Variants in HYAL4 observed in about 807,000 individuals in gnomAD.
HYAL4 encodes hyaluronidase 4, also known as hyaluronidase-4.
A neutral mutation model predicts 35.2 loss-of-function variants in HYAL4; 37 were observed. That is an observed-to-expected ratio of 1.05 (90% CI 0.81 to 1.38). HYAL4 has a LOEUF of 1.38. Ranked by LOEUF, HYAL4 falls within the 40% of genes most tolerant of loss-of-function variation. The pLI is 0.00. For synonymous variants in HYAL4, 198 were observed against 203.2 expected (o/e 0.97, Z 0.22); for missense variants, 572 against 572.4 (o/e 1.00, Z 0.01).
At chr7:123,804,156 G>A in the HYAL4 span, among the ~76,000 whole-genome samples, 16 of 152,304 alleles carry the variant, frequency 1.1e-4, no homozygotes, top group Admixed American at 9.8e-4. Flanking sequence ...CCCAACCTAT[G>A]TGAATAAACA....
At chr7:123,797,216 A>T in the HYAL4 span, among the ~76,000 whole-genome samples, 1 of 152,380 alleles carries the variant, frequency 6.6e-6, no homozygotes, top group African/African-American at 2.4e-5. Context: ...AACAGGTTCT[A>T]TGAAGTTTTA....
At chr7:123,809,094 C>T in the HYAL4 span, among the ~76,000 whole-genome samples, 22 of 152,286 alleles carry the variant, frequency 1.4e-4, no homozygotes, top group African/African-American at 4.8e-4. Flanking sequence ...CATCAGAACT[C>T]ATTCCATCAT....
chr7:123,855,755 G>C (rs1050023273), intron 2 of HYAL4, among the ~76,000 whole-genome samples: 3 of 152,048 alleles, frequency 2.0e-5, no homozygotes, highest in Admixed American at 2.0e-4. Flanking sequence ...GCCTTGCTTG[G>C]TTGGGGAAGT....
At chr7:123,857,852 TC>T (rs1218309485) in intron 2 of HYAL4, among the ~76,000 whole-genome samples, 1 of 152,058 alleles carries the variant, frequency 6.6e-6, no homozygotes, top group Non-Finnish European at 1.5e-5. Context: ...TCATCATTTA[TC>T]CAGAAGGTGT....
chr7:123,837,515 C>T (rs1805983542), intron 1 of HYAL4, among the ~76,000 whole-genome samples: 1 of 152,098 alleles, frequency 6.6e-6, no homozygotes, highest in South Asian at 2.1e-4. Context: ...ATTAACGTGT[C>T]TGGCATTGCC....
chr7:123,876,705 T>C (rs755929539), intron 4 of HYAL4, 49 bp from the exon 5 acceptor site: 1 of 1,561,912 alleles, frequency 6.4e-7, no homozygotes. Context: ...TCTTTGTACA[T>C]TTCTACCAGG....
At chr7:123,771,401 C>T in the HYAL4 span, among the ~76,000 whole-genome samples, 1 of 152,002 alleles carries the variant, frequency 6.6e-6, no homozygotes, top group Non-Finnish European at 1.5e-5. Context: ...CTGCATAATT[C>T]TTTGTTGTGG....
intron 1 of HYAL4, among the ~76,000 whole-genome samples, chr7:123,835,162 A>T (rs1805945549): frequency 6.6e-6 from 1 of 151,918 alleles, no homozygotes; most frequent in Admixed American, 6.6e-5. Flanking sequence ...GTTTGGTACC[A>T]CTTCTTTGAC....
At chr7:123,789,517 G>A in the HYAL4 span, among the ~76,000 whole-genome samples, 1 of 152,074 alleles carries the variant, frequency 6.6e-6, no homozygotes, top group African/African-American at 2.4e-5. Flanking sequence ...TCCTGCTTGG[G>A]TATATAAAAT....
At chr7:123,865,743 A>G (rs1806672870) in intron 2 of HYAL4, among the ~76,000 whole-genome samples, 1 of 152,188 alleles carries the variant, frequency 6.6e-6, no homozygotes, top group Non-Finnish European at 1.5e-5. Flanking sequence ...TACACACAAC[A>G]TGTAGCACAG....
chr7:123,865,137 A>G (rs1806656806), intron 2 of HYAL4, among the ~76,000 whole-genome samples: 1 of 152,140 alleles, frequency 6.6e-6, no homozygotes, highest in Non-Finnish European at 1.5e-5. Flanking sequence ...AGGATGTTCT[A>G]TGGTGGTGAT....
the HYAL4 span, among the ~76,000 whole-genome samples, chr7:123,774,987 A>G: frequency 6.6e-6 from 1 of 152,306 alleles, no homozygotes; most frequent in Admixed American, 6.5e-5. Flanking sequence ...ATGTCCCTCT[A>G]CAAGAAACTT....
intron 2 of HYAL4, among the ~76,000 whole-genome samples, chr7:123,857,673 C>CTTTGTTTGTTTGTTTGTTTG (rs1344469904): frequency 4.9e-5 from 3 of 60,896 alleles, no homozygotes; most frequent in African/African-American, 1.2e-4. Context: ...TTGTTTGTTT[C>CTTTGTTTGTTTGTTTGTTTG]TTTCTTTCTT....
Position 123,868,515 on chromosome 7 carries a change from A to G in HYAL4, c.242A>G (p.Lys81Arg). 1.2e-6 allele frequency: 2 copies of G among 1,607,468 alleles called. No individual in the cohort carries two copies. ...CCTGTGATTGGAAGCCCACTGGCCA[A>G]GGCCAGGGGGCAAAATGTCACTATA... ...MFPVIGSPLA[K>R]ARGQNVTIFY... Residue 81 changes from lysine to arginine, a missense_variant, in exon 3 of 5, where the codon AAG becomes AGG. Transcript: ENST00000223026.
Position 123,868,811 on chromosome 7 carries a change from G to A in HYAL4, c.538G>A (p.Ala180Thr), listed in dbSNP as rs764051820. 1 of 1,614,186 alleles carries A rather than the reference G, an allele frequency of 6.2e-7. No homozygotes were observed. The highest frequency in any genetic ancestry group is 1.7e-5 in the Admixed American group (1 of 60,022). The change falls in exon 3 of 5, where the codon GCT becomes ACT. Residue 180 changes from alanine to threonine, a missense_variant. Physicochemically the swap from Ala to Thr is moderately conservative, Grantham distance 58. Coordinates refer to ENST00000223026, the MANE Select transcript of HYAL4 (RefSeq NM_012269.3). ...TTCCGATATGGGAAAGAATGTATCA[G>A]CTACCGATATTGAATATTTAGCCAA... ...LISDMGKNVSATDIEYLAKVT... is the reference protein window; with the variant it reads ...LISDMGKNVSTTDIEYLAKVT...
Position 123,876,771 on chromosome 7 carries a change from G to A in HYAL4, c.1062G>A (p.Val354=). The A allele has an allele frequency of 2.5e-6, 4 of 1,613,608 alleles. No individual in the cohort carries two copies. Among genetic ancestry groups the A allele is most frequent in the Non-Finnish European group, 3.4e-6 (4 of 1,179,538 alleles). The part of the protein sequence containing the change: ...LTASKANCTK[V]KQFVSSDLGS... ...ATTTCTAGGCCAACTGTACAAAGGT[G>A]AAGCAGTTTGTGAGTTCTGATTTAG... The change falls in exon 5 of 5, where the codon GTG becomes GTA. Residue 354 remains valine (V), a synonymous_variant. Transcript: ENST00000223026.
the HYAL4 span, among the ~76,000 whole-genome samples, chr7:123,801,218 T>C: frequency 6.6e-6 from 1 of 152,200 alleles, no homozygotes; most frequent in Non-Finnish European, 1.5e-5. Flanking sequence ...TATTTCTCAT[T>C]CACTTTTGGT....
rs573505177 is a variant in HYAL4, at chr7:123,865,966, A to G, written c.-51-2257A>G. On this transcript the variant is annotated intron_variant, in intron 2 of 4. Coordinates refer to ENST00000223026, the MANE Select transcript of HYAL4 (RefSeq NM_012269.3). ...CTGGCAAGAGAGCATGCTCAGGGGA[A>G]CCACCCTTTATAAAACCATCAGATG... Among the ~76,000 whole-genome samples the G allele has an allele frequency of 3.0e-4, 45 of 152,266 alleles. No individual in the cohort carries two copies. The South Asian group carries it at 7.7e-3, about 26-fold the overall frequency.
chr7:123,815,548 T>TG, the HYAL4 span, among the ~76,000 whole-genome samples: 2 of 152,322 alleles, frequency 1.3e-5, no homozygotes, highest in East Asian at 3.9e-4. Flanking sequence ...CTAGTGGTTA[T>TG]TGTCAAGGCA....
Sources: gnomAD v4.1 joint callset for allele counts (sites outside exome capture counted in the v4.1 genomes callset) on GRCh38, gnomAD v4.1.1 for gene constraint, MANE v1.5 for transcripts, NCBI Gene and HGNC (gene_info 2026-07-23, HGNC 2026-07-21) for gene names.